Variants in CADPS observed in about 807,000 individuals in gnomAD.
The protein encoded by CADPS is calcium-dependent secretion activator 1.
In CADPS, 57 loss-of-function variants were observed where a neutral mutation model predicts 167.3. The ratio of observed to expected loss-of-function variants is 0.34; its 90% CI spans 0.28 to 0.42. The LOEUF (loss-of-function observed/expected upper bound fraction) is 0.42, where lower values mean the gene tolerates loss of function less well. Among genes scored for constraint, CADPS ranks in the 20% least tolerant of loss-of-function variants. The pLI is 1.00. For missense variants in CADPS, 1,414 were observed against 1,738.1 expected (o/e 0.81, Z 3.32); for synonymous variants, 676 against 635.3 (o/e 1.06, Z -0.96).
intron 3 of CADPS, among the ~76,000 whole-genome samples, chr3:62,752,071 AAT>A (rs2082829444): frequency 6.6e-6 from 1 of 152,146 alleles, no homozygotes; most frequent in Non-Finnish European, 1.5e-5. Context: ...CTCTCTCTGT[AAT>A]TCTGAATCTT....
chr3:62,525,679 A>ATGTGTG (rs34729200), intron 13 of CADPS, among the ~76,000 whole-genome samples: 30 of 148,912 alleles, frequency 2.0e-4, no homozygotes, highest in African/African-American at 6.5e-4. Context: ...TAATGTCATT[A>ATGTGTG]TGTGTGTGTG....
chr3:62,764,281 A>G (rs930170535), intron 2 of CADPS, among the ~76,000 whole-genome samples: 1 of 152,200 alleles, frequency 6.6e-6, no homozygotes, highest in African/African-American at 2.4e-5. Flanking sequence ...ATTCACTATC[A>G]TATATCACTG....
At chr3:62,609,192 G>A (rs2061141975) in intron 6 of CADPS, among the ~76,000 whole-genome samples, 1 of 151,566 alleles carries the variant, frequency 6.6e-6, no homozygotes, top group Admixed American at 6.6e-5. Flanking sequence ...TCTTACAAAT[G>A]TTAGTTGATC....
At chr3:62,854,856 AT>A (rs1330141848) in intron 1 of CADPS, among the ~76,000 whole-genome samples, 1 of 152,040 alleles carries the variant, frequency 6.6e-6, no homozygotes, top group Non-Finnish European at 1.5e-5. Context: ...TGTCCTTTAT[AT>A]TTCATATATT....
chr3:62,480,371 T>G (rs767581869), intron 22 of CADPS, among the ~76,000 whole-genome samples: 32 of 152,378 alleles, frequency 2.1e-4, no homozygotes, highest in Non-Finnish European at 3.5e-4. Context: ...TTTTTTCATA[T>G]AGTCATCTTA....
At chr3:62,532,818 T>C in intron 13 of CADPS, 53 bp downstream of exon 13, 1 of 1,557,324 alleles carries the variant, frequency 6.4e-7, no homozygotes, top group Non-Finnish European at 8.8e-7. Context: ...CCATAAACCA[T>C]TGCCAGTGCC....
intron 6 of CADPS, among the ~76,000 whole-genome samples, chr3:62,635,945 C>T (rs1294162320): frequency 2.0e-5 from 3 of 152,136 alleles, no homozygotes; most frequent in Non-Finnish European, 4.4e-5. Context: ...AGTAAGGGAT[C>T]TACATATAAA....
At chr3:62,639,246 T>C (rs1218042253) in intron 6 of CADPS, among the ~76,000 whole-genome samples, 4 of 152,214 alleles carry the variant, frequency 2.6e-5, no homozygotes, top group African/African-American at 9.7e-5. Flanking sequence ...ATTTATGATT[T>C]AATTAACTTA....
At chr3:62,401,598 T>G (rs758043472) in intron 29 of CADPS, among the ~76,000 whole-genome samples, 1 of 152,236 alleles carries the variant, frequency 6.6e-6, no homozygotes, top group Non-Finnish European at 1.5e-5. Context: ...GTGATGTTCT[T>G]GGTTTAAAGT....
Position 62,398,566 on chromosome 3 carries a change from A to G in CADPS, c.*840T>C, listed in dbSNP as rs2148962003. 6.5e-6 allele frequency: 1 copy of G among 152,814 alleles called. No individual in the cohort carries two copies. The highest frequency in any genetic ancestry group is 2.1e-4 in the South Asian group (1 of 4,830). The allele number at this position is 152,814 out of a possible 1,614,324, so 9.5% of individuals were successfully genotyped here. Reference sequence around the variant, plus strand: ...GAACAAAATAATTTAAATTATGGTTACAATCTACTGAAGGAAATATCCACA... The same window carrying G: ...GAACAAAATAATTTAAATTATGGTTGCAATCTACTGAAGGAAATATCCACA... On this transcript the variant is annotated 3_prime_UTR_variant, in exon 30 of 30. Transcript: ENST00000383710.
chr3:62,523,293 T>C (rs2071203563), intron 13 of CADPS, among the ~76,000 whole-genome samples: 1 of 152,184 alleles, frequency 6.6e-6, no homozygotes, highest in African/African-American at 2.4e-5. Context: ...TGACCTGGAG[T>C]TTATTAACTA....
chr3:62,468,377 T>C (rs1251584560), intron 24 of CADPS, among the ~76,000 whole-genome samples: 1 of 152,170 alleles, frequency 6.6e-6, no homozygotes. Flanking sequence ...TGCAAAATAA[T>C]ATGAAATATA....
intron 6 of CADPS, among the ~76,000 whole-genome samples, chr3:62,629,556 T>C (rs1449073584): frequency 6.6e-6 from 1 of 152,206 alleles, no homozygotes; most frequent in East Asian, 1.9e-4. Context: ...TACAAAGCTA[T>C]TAAGTACCCT....
intron 6 of CADPS, among the ~76,000 whole-genome samples, chr3:62,599,813 T>TAA (rs1242161352): frequency 4.1e-4 from 3 of 7,406 alleles, no homozygotes; most frequent in African/African-American, 1.3e-3. Flanking sequence ...TAATAAATAA[T>TAA]ATATTATATA....
At chr3:62,615,551 G>C (rs1430129092) in intron 6 of CADPS, among the ~76,000 whole-genome samples, 5 of 152,172 alleles carry the variant, frequency 3.3e-5, no homozygotes, top group African/African-American at 4.8e-5. Flanking sequence ...GTCAGCCACA[G>C]TCAAGAAGAC....
At chr3:62,471,167 G>T (rs2060558245) in intron 24 of CADPS, among the ~76,000 whole-genome samples, 1 of 152,122 alleles carries the variant, frequency 6.6e-6, no homozygotes, top group Non-Finnish European at 1.5e-5. Context: ...GGCAGCTAAG[G>T]TATGGAGTCC....
At chr3:62,750,866 T>C (rs926338097) in intron 3 of CADPS, among the ~76,000 whole-genome samples, 1 of 152,230 alleles carries the variant, frequency 6.6e-6, no homozygotes, top group South Asian at 2.1e-4. Context: ...TTCCCTTGTA[T>C]GGTTAAATCA....
At chr3:62,557,590 C>T (rs1185320262) in intron 9 of CADPS, 77 bp from the exon 10 acceptor site, 2 of 1,096,476 alleles carry the variant, frequency 1.8e-6, no homozygotes, top group East Asian at 2.4e-5. Flanking sequence ...ATGTTCTCTC[C>T]TCTGAGGATC....
At position 62,683,592 on chromosome 3, in the gene CADPS, C is replaced by A. The variant is rs530083056; in HGVS notation, c.889-21198G>T. ...TGGCACATTTGTCAAAACATATGAACAAACATTGATACTTCATTATTAACT... is the reference window on the plus strand; with the variant it reads ...TGGCACATTTGTCAAAACATATGAAAAAACATTGATACTTCATTATTAACT... On this transcript the variant is annotated intron_variant, in intron 3 of 29. Transcript: ENST00000383710. Among the ~76,000 whole-genome samples, 7 of 152,186 alleles carry A rather than the reference C, an allele frequency of 4.6e-5. No homozygotes were observed. The South Asian group carries it at 1.0e-3, about 23-fold the overall frequency.
Sources: gnomAD v4.1 joint callset for allele counts (sites outside exome capture counted in the v4.1 genomes callset) on GRCh38, gnomAD v4.1.1 for gene constraint, MANE v1.5 for transcripts, NCBI Gene and HGNC (gene_info 2026-07-23, HGNC 2026-07-21) for gene names.